The following ANO6 variants were observed in gnomAD, a reference collection of about 807,000 sequenced individuals.
ANO6 encodes the protein anoctamin 6.
Under a neutral mutation model 117.5 loss-of-function variants are expected in ANO6, and 106 were observed. That is an observed-to-expected ratio of 0.90 (90% confidence interval 0.77 to 1.06). The LOEUF (loss-of-function observed/expected upper bound fraction) is 1.06. ANO6 is among the 50% of genes least tolerant of loss of function. The pLI is 0.00. For missense variants in ANO6, 955 were observed against 1,121.1 expected (o/e 0.85, Z 2.12); for synonymous variants, 367 against 385.1 (o/e 0.95, Z 0.55).
At chr12:45,313,120 T>C (rs1316424011) in intron 2 of ANO6, 1 of 152,092 alleles carries the variant, frequency 6.6e-6, no homozygotes, top group Non-Finnish European at 1.5e-5. Flanking sequence ...GGAAGAAGAT[T>C]AAAAAGAGGT....
At chr12:45,418,318 G>T (rs895503468) in intron 17 of ANO6, among the ~76,000 whole-genome samples, 2 of 152,088 alleles carry the variant, frequency 1.3e-5, no homozygotes, top group Admixed American at 1.3e-4. Context: ...GTTGCAAATC[G>T]CACACAAAAA....
At chr12:45,407,485 C>G (rs1254225110) in intron 15 of ANO6, among the ~76,000 whole-genome samples, 1 of 14,070 alleles carries the variant, frequency 7.1e-5, no homozygotes, top group East Asian at 3.2e-3. Flanking sequence ...CTGAGTCACC[C>G]CCCCCCCCCC....
intron 16 of ANO6, among the ~76,000 whole-genome samples, chr12:45,411,133 G>A (rs933230147): frequency 6.6e-6 from 1 of 152,160 alleles, no homozygotes; most frequent in African/African-American, 2.4e-5. Flanking sequence ...GGGGCAGAAT[G>A]TCATTTATTA....
In ANO6 at chr12:45,401,706, A is replaced by G. The variant is rs1942791943; in HGVS notation, c.1387-89A>G. 3.8e-6 allele frequency: 4 copies of G among 1,053,636 alleles called. No individual in the cohort carries two copies. In the South Asian group the frequency reaches 5.1e-5, roughly 13 times the overall value. The allele number at this position is 1,053,636 out of a possible 1,614,324, so 65.3% of individuals were successfully genotyped here. A position where few individuals can be genotyped will look rare whatever the true frequency, so the allele number is the denominator to read the frequency against. On this transcript the variant is annotated intron_variant, in intron 12 of 19. Transcript: ENST00000320560. ...ATGTGAGATTTACATCACTTTACAC[A>G]CACACCTTGTTAAGTGTGAGTTCAG...
chr12:45,425,751 A>G (rs764904973), intron 19 of ANO6, among the ~76,000 whole-genome samples: 1 of 152,250 alleles, frequency 6.6e-6, no homozygotes, highest in Admixed American at 6.5e-5. Context: ...GAAAGAGGAA[A>G]TACTCTCCAA....
Position 45,348,128 on chromosome 12 carries a change from A to T in ANO6, c.446A>T (p.Asn149Ile). ...CACATCAAATTGCCTCTGAAACCCA[A>T]TGATCTGAAAAACCGGTCCTCAGCC... is the stretch of plus-strand genomic sequence containing the variant. ...IMHIKLPLKP[N>I]DLKNRSSAFG... Residue 149 changes from asparagine to isoleucine, a missense_variant, in exon 5 of 20, where the codon AAT becomes ATT. Physicochemically the swap from Asn to Ile is moderately radical, Grantham distance 149 (BLOSUM62 -3). Transcript: ENST00000320560. 1 of 1,614,128 alleles carries T rather than the reference A, an allele frequency of 6.2e-7. No individual in the cohort carries two copies.
intron 3 of ANO6, among the ~76,000 whole-genome samples, chr12:45,337,499 C>G (rs1038608719): frequency 3.9e-5 from 6 of 152,016 alleles, no homozygotes; most frequent in Non-Finnish European, 8.8e-5. Flanking sequence ...AAGATGAAAT[C>G]ACATTCTCAG....
At position 45,390,282 on chromosome 12, in the gene ANO6, G is replaced by C. The variant is rs552102364; in HGVS notation, c.1309-139G>C. On this transcript the variant is annotated intron_variant, in intron 11 of 19. Transcript: ENST00000320560. ...TGACTTTGAAATTGTTAACAAAAAAGTGCAATTATGAGTAAGGAGACTATG... is the reference window on the plus strand; with the variant it reads ...TGACTTTGAAATTGTTAACAAAAAACTGCAATTATGAGTAAGGAGACTATG... 13 of 731,058 alleles carry C rather than the reference G, an allele frequency of 1.8e-5. No individual in the cohort carries two copies. In the African/African-American group the frequency reaches 2.3e-4, roughly 13 times the overall value. The allele number at this position is 731,058 out of a possible 1,614,324, so 45.3% of individuals were successfully genotyped here.
At chr12:45,414,696 GCA>G in intron 16 of ANO6, among the ~76,000 whole-genome samples, 1 of 152,172 alleles carries the variant, frequency 6.6e-6, no homozygotes, top group South Asian at 2.1e-4. Context: ...TACTGTCTAT[GCA>G]AACATCCCTG....
At chr12:45,259,229 A>T (rs1440268692) in intron 1 of ANO6, among the ~76,000 whole-genome samples, 1 of 152,228 alleles carries the variant, frequency 6.6e-6, no homozygotes, top group Non-Finnish European at 1.5e-5. Flanking sequence ...CTTGGCACAT[A>T]GTACAAGCTC....
intron 1 of ANO6, chr12:45,292,744 C>A (rs1392430221): frequency 2.1e-6 from 3 of 1,414,568 alleles, no homozygotes; most frequent in Non-Finnish European, 2.8e-6. Flanking sequence ...GAAACAACAC[C>A]AAACATGGAA....
chr12:45,361,004 C>T (rs370198046), intron 8 of ANO6, among the ~76,000 whole-genome samples: 27 of 152,178 alleles, frequency 1.8e-4, no homozygotes, highest in African/African-American at 5.1e-4. Context: ...TTCAAATTTT[C>T]GTTTTTCTTT....
chr12:45,358,029 C>G (rs1435406801), intron 8 of ANO6, among the ~76,000 whole-genome samples: 1 of 152,208 alleles, frequency 6.6e-6, no homozygotes, highest in African/African-American at 2.4e-5. Flanking sequence ...GGTGCCAGAG[C>G]ACTCTAAATT....
rs780207400 is a variant in ANO6, at chr12:45,388,197, C to A, written c.1202C>A (p.Ala401Glu). The A allele has an allele frequency of 1.2e-6, 2 of 1,613,986 alleles. No individual in the cohort carries two copies. Among genetic ancestry groups the A allele is most frequent in the Admixed American group, 3.3e-5 (2 of 60,010 alleles). ...LFLEFWKRRQ[A>E]ELEYEWDTVE... ...TTGGAGTTTTGGAAGCGACGCCAGG[C>A]AGAACTTGAGTATGAATGGGATACT... The change falls in exon 11 of 20, where the codon GCA (alanine) becomes GAA (glutamate). Residue 401 changes from alanine (A) to glutamate (E), a missense_variant. Coordinates refer to ENST00000320560, the MANE Select transcript of ANO6 (RefSeq NM_001025356.3).
intron 13 of ANO6, among the ~76,000 whole-genome samples, chr12:45,402,404 A>G (rs1942815323): frequency 6.6e-6 from 1 of 151,484 alleles, no homozygotes; most frequent in South Asian, 2.1e-4. Flanking sequence ...TCACACTGCT[A>G]CGTGTCTTCC....
intron 1 of ANO6, among the ~76,000 whole-genome samples, chr12:45,249,413 T>C (rs781686279): frequency 1.4e-4 from 21 of 152,230 alleles, no homozygotes; most frequent in Non-Finnish European, 2.1e-4. Flanking sequence ...TAAAATTTGG[T>C]ATATTAAATA....
At position 45,377,557 on chromosome 12, in the gene ANO6, G is replaced by A. The variant is rs139151931; in HGVS notation, c.1105-496G>A. ...AGTTCTCCTGGAGGAGAGCCACTTC[G>A]AGATAAACCTCAGCTTTGTACGTCT... On this transcript the variant is annotated intron_variant, in intron 9 of 19. Transcript: ENST00000320560. Among the ~76,000 whole-genome samples the A allele has an allele frequency of 3.1e-4, 47 of 152,306 alleles. No homozygotes were observed. In the East Asian group the frequency reaches 6.2e-3, roughly 20 times the overall value.
intron 2 of ANO6, among the ~76,000 whole-genome samples, chr12:45,314,445 C>CA (rs35897974): frequency 0.87 from 125,285 of 144,158 alleles, 55,221 homozygotes; most frequent in Non-Finnish European, 0.95. Flanking sequence ...CTTATCTCTA[C>CA]AAAAAAAAAA....
chr12:45,356,521 T>C (rs1315437081), intron 7 of ANO6, among the ~76,000 whole-genome samples: 1 of 152,376 alleles, frequency 6.6e-6, no homozygotes, highest in East Asian at 1.9e-4. Flanking sequence ...ATGTTATATG[T>C]ATTACATACT....
Sources: allele counts gnomAD v4.1 joint callset (sites outside exome capture counted in the v4.1 genomes callset), GRCh38; gene constraint gnomAD v4.1.1; transcripts MANE v1.5; gene names NCBI Gene and HGNC (gene_info 2026-07-23, HGNC 2026-07-21).